Variants in KCNH7 observed in about 807,000 individuals in gnomAD.
KCNH7 encodes voltage-gated inwardly rectifying potassium channel KCNH7.
In KCNH7, 49 loss-of-function variants were observed where a neutral mutation model predicts 120.8. That is an observed-to-expected ratio of 0.41 (90% CI 0.32 to 0.51). The LOEUF is 0.51. Among genes scored for constraint, KCNH7 ranks in the 20% least tolerant of loss-of-function variants. The pLI is 0.38. For synonymous variants in KCNH7, 547 were observed against 516.1 expected, an observed-to-expected ratio of 1.06 and a Z score of -0.81; for missense variants, 1,097 against 1,446.6, an observed-to-expected ratio of 0.76 and a Z score of 3.92.
intron 9 of KCNH7, among the ~76,000 whole-genome samples, chr2:162,421,191 A>T (rs1315539471): frequency 6.6e-6 from 1 of 152,162 alleles, no homozygotes; most frequent in Non-Finnish European, 1.5e-5. Flanking sequence ...TTTAGAGCTC[A>T]CACACTCCAG....
chr2:162,373,589 G>T lies in KCNH7; in HGVS notation c.3205C>A (p.Pro1069Thr). 1 of 1,582,408 alleles carries T rather than the reference G, an allele frequency of 6.3e-7. No individual in the cohort carries two copies. Among genetic ancestry groups the T allele is most frequent in the Non-Finnish European group, 8.6e-7 (1 of 1,163,880 alleles). ...CCTGCTGTTACCATACTGTAGGCTGGGGGGACCACAGTGGTTTGTTTCTGC... is the reference window on the plus strand; with the variant it reads ...CCTGCTGTTACCATACTGTAGGCTGTGGGGACCACAGTGGTTTGTTTCTGC... ...LLQKQTTVVPPAYSMVTAGSE... is the reference protein window; with the variant it reads ...LLQKQTTVVPTAYSMVTAGSE... Residue 1069 changes from proline to threonine, a missense_variant, in exon 15 of 16, where the codon CCA becomes ACA. Pro to Thr is a conservative substitution (Grantham distance 38). Transcript: ENST00000332142.
At chr2:162,412,823 A>C (rs1334927834) in intron 9 of KCNH7, among the ~76,000 whole-genome samples, 1 of 152,168 alleles carries the variant, frequency 6.6e-6, no homozygotes, top group Non-Finnish European at 1.5e-5. Flanking sequence ...TCCTGAACTC[A>C]TACTAACATG....
In KCNH7 at chr2:162,734,095, T is replaced by C. The variant is rs140736387; in HGVS notation, c.307+102442A>G. Among the ~76,000 whole-genome samples, 828 of 152,176 alleles carry C rather than the reference T, an allele frequency of 5.4e-3. 2 individuals carry two copies. Among genetic ancestry groups the C allele is most frequent in the African/African-American group, 0.019 (791 of 41,542 alleles). On this transcript the variant is annotated intron_variant, in intron 2 of 15. Coordinates refer to ENST00000332142, the MANE Select transcript of KCNH7 (RefSeq NM_033272.4). Reference sequence around the variant, plus strand: ...GTCCAAAATTTATGTTTTTTTTTTCTAAACTCATTCCATTATTAAATTGTG... The same window carrying C: ...GTCCAAAATTTATGTTTTTTTTTTCCAAACTCATTCCATTATTAAATTGTG...
intron 8 of KCNH7, among the ~76,000 whole-genome samples, chr2:162,429,699 T>C (rs1688002635): frequency 1.3e-5 from 2 of 150,768 alleles, no homozygotes; most frequent in African/African-American, 5.0e-5. Flanking sequence ...TGATGTGTCA[T>C]TTTTCTATAG....
chr2:162,372,632 A>T (rs972028076), intron 15 of KCNH7, among the ~76,000 whole-genome samples: 1 of 152,182 alleles, frequency 6.6e-6, no homozygotes, highest in Non-Finnish European at 1.5e-5. Flanking sequence ...TTTCCTTCTG[A>T]CACATTACCT....
chr2:162,662,679 T>C (rs2105280976), intron 2 of KCNH7, among the ~76,000 whole-genome samples: 1 of 152,318 alleles, frequency 6.6e-6, no homozygotes, highest in Admixed American at 6.5e-5. Context: ...ATCACCCTCC[T>C]TTCTTTGATC....
At chr2:162,786,407 C>T (rs1248409734) in intron 2 of KCNH7, among the ~76,000 whole-genome samples, 3 of 152,138 alleles carry the variant, frequency 2.0e-5, no homozygotes, top group Admixed American at 6.5e-5. Context: ...AGAACATGCA[C>T]AGAGGTAAGC....
intron 2 of KCNH7, among the ~76,000 whole-genome samples, chr2:162,695,589 A>G (rs1049444165): frequency 1.3e-5 from 2 of 152,172 alleles, no homozygotes; most frequent in African/African-American, 4.8e-5. Flanking sequence ...AATGTTCTAG[A>G]AGTTTTCACT....
chr2:162,706,977 G>T (rs1440062373), intron 2 of KCNH7, among the ~76,000 whole-genome samples: 1 of 152,046 alleles, frequency 6.6e-6, no homozygotes, highest in Non-Finnish European at 1.5e-5. Flanking sequence ...CGGTTTCATG[G>T]TGTTCTTTAA....
intron 2 of KCNH7, among the ~76,000 whole-genome samples, chr2:162,547,382 G>A (rs1455174223): frequency 1.3e-5 from 2 of 152,144 alleles, no homozygotes; most frequent in Non-Finnish European, 2.9e-5. Flanking sequence ...CATGAGCAAT[G>A]TGGAAACACT....
intron 6 of KCNH7, among the ~76,000 whole-genome samples, chr2:162,459,772 G>T (rs1016067556): frequency 7.9e-5 from 12 of 152,112 alleles, no homozygotes; most frequent in Non-Finnish European, 1.6e-4. Flanking sequence ...GGTGGCCTTT[G>T]CAAGGAAGGG....
At chr2:162,516,936 G>T (rs1441751454) in intron 4 of KCNH7, among the ~76,000 whole-genome samples, 1 of 151,554 alleles carries the variant, frequency 6.6e-6, no homozygotes, top group East Asian at 2.0e-4. Flanking sequence ...TACTAAATAG[G>T]GCTTAGAAAT....
At chr2:162,737,723 T>A (rs1365910514) in intron 2 of KCNH7, among the ~76,000 whole-genome samples, 1 of 152,002 alleles carries the variant, frequency 6.6e-6, no homozygotes, top group Non-Finnish European at 1.5e-5. Context: ...TCCCCTGCTG[T>A]AAGGTAAAGT....
intron 2 of KCNH7, among the ~76,000 whole-genome samples, chr2:162,809,253 T>G (rs1684649759): frequency 6.6e-6 from 1 of 152,202 alleles, no homozygotes. Context: ...CACACTTTTC[T>G]TGAGGGAATC....
At chr2:162,541,836 C>T (rs1051292551) in intron 2 of KCNH7, among the ~76,000 whole-genome samples, 8 of 151,926 alleles carry the variant, frequency 5.3e-5, no homozygotes, top group Admixed American at 3.9e-4. Context: ...CACATGTACC[C>T]CTGAACTTAA....
At chr2:162,760,971 A>G (rs1036067070) in intron 2 of KCNH7, among the ~76,000 whole-genome samples, 2 of 152,104 alleles carry the variant, frequency 1.3e-5, no homozygotes, top group African/African-American at 4.8e-5. Flanking sequence ...CTATCATTCT[A>G]GTTGCTTGGC....
intron 6 of KCNH7, among the ~76,000 whole-genome samples, chr2:162,454,090 T>A (rs1019361371): frequency 2.0e-5 from 3 of 152,150 alleles, no homozygotes; most frequent in African/African-American, 4.8e-5. Flanking sequence ...AGTGTTGGTT[T>A]TTACATTTAA....
intron 2 of KCNH7, among the ~76,000 whole-genome samples, chr2:162,674,184 T>G (rs181275447): frequency 6.6e-6 from 1 of 151,894 alleles, no homozygotes; most frequent in East Asian, 1.9e-4. Flanking sequence ...TGAGTACATA[T>G]TAATATAAAA....
chr2:162,600,235 G>GT (rs751513835), intron 2 of KCNH7, among the ~76,000 whole-genome samples: 3 of 152,018 alleles, frequency 2.0e-5, no homozygotes, highest in Non-Finnish European at 4.4e-5. Flanking sequence ...TTACCTTCTG[G>GT]TGATTGCCTT....
Sources: allele counts gnomAD v4.1 joint callset (sites outside exome capture counted in the v4.1 genomes callset), GRCh38; gene constraint gnomAD v4.1.1; transcripts MANE v1.5; gene names NCBI Gene and HGNC (gene_info 2026-07-23, HGNC 2026-07-21).